CENPI: variants seen among roughly 807,000 people sequenced by gnomAD.
CENPI encodes the protein centromere protein I.
CENPI carries 4 observed loss-of-function variants against 60.4 expected under a neutral mutation model. The observed-to-expected ratio is 0.07, with a 90% confidence interval of 0.03 to 0.15. The LOEUF (loss-of-function observed/expected upper bound fraction) is 0.15, where lower values mean the gene tolerates loss of function less well. CENPI is among the 10% of genes least tolerant of loss of function. The pLI is 1.00. For synonymous variants in CENPI, 157 were observed against 189.4 expected (o/e 0.83, Z 1.40); for missense variants, 444 against 534.5 (o/e 0.83, Z 1.67).
intron 6 of CENPI, among the ~76,000 whole-genome samples, chrX:101,113,247 T>G (rs893535691): frequency 9.2e-6 from 1 of 108,435 alleles, no homozygotes; most frequent in African/African-American, 3.4e-5. Flanking sequence ...TGTTGTTGTC[T>G]GGTTTTAGTT....
intron 4 of CENPI, among the ~76,000 whole-genome samples, chrX:101,106,502 C>T (rs149894247): frequency 0.02 from 2,153 of 107,726 alleles, 53 homozygotes; most frequent in African/African-American, 0.07. Context: ...CTGCAACCTC[C>T]GCCTCCCGGG....
chrX:101,154,903 C>T (rs1482525779), intron 20 of CENPI, among the ~76,000 whole-genome samples: 2 of 111,294 alleles, frequency 1.8e-5, no homozygotes, highest in East Asian at 2.8e-4. Context: ...GATCTGCACC[C>T]GTATATTGAT....
the CENPI span, among the ~76,000 whole-genome samples, chrX:101,173,580 A>G: frequency 1.8e-5 from 2 of 110,111 alleles, no homozygotes; most frequent in African/African-American, 6.6e-5. Context: ...AAAATGTATT[A>G]ATCTATTTAA....
intron 8 of CENPI, among the ~76,000 whole-genome samples, chrX:101,125,101 C>A (rs1449911432): frequency 9.0e-6 from 1 of 111,433 alleles, no homozygotes; most frequent in Non-Finnish European, 1.9e-5. Flanking sequence ...CTAACTGCTT[C>A]TTATGTAGCC....
intron 13 of CENPI, among the ~76,000 whole-genome samples, 192 bp from the exon 14 acceptor site, chrX:101,131,997 TG>T (rs1160845405): frequency 8.9e-6 from 1 of 112,147 alleles, no homozygotes; most frequent in Non-Finnish European, 1.9e-5. Context: ...AAAATGGTAA[TG>T]TATGCAAATA....
chrX:101,143,772 G>A (rs1291485864), intron 16 of CENPI, among the ~76,000 whole-genome samples: 2 of 111,726 alleles, frequency 1.8e-5, no homozygotes, highest in Admixed American at 1.9e-4. Flanking sequence ...CAGGTGATCC[G>A]CCTGCCTCAG....
rs1251711691 is a variant in CENPI at position 101,132,593 on chromosome X, C to T, written c.1470+137C>T. The stretch of plus-strand genomic sequence containing the variant: ...ACCTGGGCTTTGAGGTACTGCATCA[C>T]TCAACTCAAAGTTAATGCATAGAAT... On this transcript the variant is annotated intron_variant, in intron 15 of 21. Transcript: ENST00000682095. 17 of 493,934 alleles carry T rather than the reference C, an allele frequency of 3.4e-5. No individual in the cohort carries two copies. In the East Asian group the frequency reaches 4.3e-4, roughly 13 times the overall value. The allele number at this position is 493,934 out of a possible 1,213,427, so 40.7% of individuals were successfully genotyped here. A position where few individuals can be genotyped will look rare whatever the true frequency, so the allele number is the denominator to read the frequency against.
intron 6 of CENPI, among the ~76,000 whole-genome samples, chrX:101,114,269 A>C (rs1054549205): frequency 1.3e-4 from 14 of 111,942 alleles, no homozygotes; most frequent in African/African-American, 2.3e-4. Flanking sequence ...AAAAACAAAC[A>C]AACCAACCAA....
chrX:101,109,755 G>C (rs2089531940), intron 5 of CENPI, 136 bp from the exon 6 acceptor site: 1 of 578,806 alleles, frequency 1.7e-6, no homozygotes, highest in Non-Finnish European at 2.8e-6. Context: ...AATTTTTACT[G>C]AGAAATAAAA....
At chrX:101,146,705 C>T (rs767367964) in intron 18 of CENPI, among the ~76,000 whole-genome samples, 21 of 111,734 alleles carry the variant, frequency 1.9e-4, no homozygotes, top group African/African-American at 6.8e-4. Context: ...AATTCTTTCA[C>T]TTGTGGACTG....
At chrX:101,171,970 T>A in the CENPI span, among the ~76,000 whole-genome samples, 1 of 111,980 alleles carries the variant, frequency 8.9e-6, no homozygotes, top group Non-Finnish European at 1.9e-5. Context: ...AAATAAATAA[T>A]GATGACCCAA....
intron 15 of CENPI, among the ~76,000 whole-genome samples, chrX:101,138,128 C>T (rs1478439119): frequency 1.2e-4 from 11 of 93,960 alleles, no homozygotes; most frequent in Non-Finnish European, 1.5e-4. Flanking sequence ...GTTGAGATTA[C>T]AGGTGCCCGC....
At chrX:101,111,599 T>C (rs1921528910) in intron 6 of CENPI, among the ~76,000 whole-genome samples, 1 of 111,606 alleles carries the variant, frequency 9.0e-6, no homozygotes, top group African/African-American at 3.2e-5. Flanking sequence ...TTTTATTAAA[T>C]CTCTACATCT....
intron 17 of CENPI, among the ~76,000 whole-genome samples, chrX:101,145,676 A>C (rs2089955707): frequency 9.3e-6 from 1 of 107,940 alleles, no homozygotes; most frequent in East Asian, 3.0e-4. Context: ...AACAATAGCA[A>C]AAACTGCAGT....
chrX:101,173,511 T>C, the CENPI span, among the ~76,000 whole-genome samples: 2 of 108,968 alleles, frequency 1.8e-5, no homozygotes, highest in Non-Finnish European at 3.8e-5. Context: ...ACCAGAGTGA[T>C]GATGTTTTAA....
In CENPI at chrX:101,127,565, A is replaced by G; in HGVS notation, c.974A>G (p.Lys325Arg). The G allele has an allele frequency of 2.5e-6, 3 of 1,199,198 alleles. No individual in the cohort carries two copies. The highest frequency in any genetic ancestry group is 3.4e-6 in the Non-Finnish European group (3 of 885,332). ...AGCTACACTAAAGAATGTGGAAAAA[A>G]AGAGATGAGTCTTTCTGATTGTCTG... ...SSSYTKECGK[K>R]EMSLSDCLNR... Residue 325 changes from lysine to arginine, a missense_variant, in exon 11 of 22, where the codon AAA becomes AGA. Transcript: ENST00000682095.
At position 101,148,946 on chromosome X, in the gene CENPI, C is replaced by T. The variant is rs2089984394; in HGVS notation, c.2094+785C>T. On this transcript the variant is annotated intron_variant, in intron 20 of 21. Transcript: ENST00000682095. ...GTGAATAAGACACTCTGAGTGTTGTCCTCAGAGAGCTTAACATCTAGTCAG... is the reference window on the plus strand; with the variant it reads ...GTGAATAAGACACTCTGAGTGTTGTTCTCAGAGAGCTTAACATCTAGTCAG... 2.7e-5 allele frequency among the ~76,000 whole-genome samples: 3 copies of T among 111,490 alleles called. No individual in the cohort carries two copies. The Admixed American group carries it at 2.9e-4, about 11-fold the overall frequency.
chrX:101,159,444 G>C (rs1457937231), intron 20 of CENPI, among the ~76,000 whole-genome samples: 1 of 109,785 alleles, frequency 9.1e-6, no homozygotes, highest in Non-Finnish European at 1.9e-5. Flanking sequence ...TTACAGGTGT[G>C]AGCCACCGCG....
rs773865898 is a variant in CENPI, at chrX:101,124,183, G to T, written c.688-2526G>T. 3.8e-5 allele frequency among the ~76,000 whole-genome samples: 4 copies of T among 105,476 alleles called. No homozygotes were observed. The South Asian group carries it at 1.8e-3, about 48-fold the overall frequency. 91.6% of individuals were successfully genotyped at this position (105,476 alleles called of 115,157 possible). A position where few individuals can be genotyped will look rare whatever the true frequency, so the allele number is the denominator to read the frequency against. ...TGGCTCATTTGATTTTTTTATGGTG[G>T]CTGGTAAGTCCAAAATCTACCGGAT... On this transcript the variant is annotated intron_variant, in intron 8 of 21. Coordinates refer to ENST00000682095, the MANE Select transcript of CENPI (RefSeq NM_001386188.2).
Sources: allele counts gnomAD v4.1 joint callset (sites outside exome capture counted in the v4.1 genomes callset), GRCh38; gene constraint gnomAD v4.1.1; transcripts MANE v1.5; gene names NCBI Gene and HGNC (gene_info 2026-07-23, HGNC 2026-07-21).